The following ST18 variants were observed in gnomAD, a reference collection of about 807,000 sequenced individuals.
ST18 encodes the protein ST18 C2H2C-type zinc finger transcription factor.
In ST18, 50 loss-of-function variants were observed where a neutral mutation model predicts 110.0. The ratio of observed to expected loss-of-function variants is 0.45; its 90% CI spans 0.36 to 0.58. The LOEUF (loss-of-function observed/expected upper bound fraction) is 0.58. Ranked by LOEUF, ST18 falls within the 20% of genes least tolerant of loss-of-function variation. The pLI, the probability that ST18 is intolerant of heterozygous loss-of-function variation, is 0.00. For missense variants in ST18, 1,306 were observed against 1,280.1 expected (o/e 1.02, Z -0.31); for synonymous variants, 461 against 452.4 (o/e 1.02, Z -0.24).
intron 10 of ST18, among the ~76,000 whole-genome samples, chr8:52,169,860 A>G (rs1032210750): frequency 1.3e-5 from 2 of 152,156 alleles, no homozygotes; most frequent in African/African-American, 4.8e-5. Flanking sequence ...AGGCACTAGG[A>G]TATACCGCTG....
intron 21 of ST18, among the ~76,000 whole-genome samples, chr8:52,132,606 GA>G (rs2050142884): frequency 6.6e-6 from 1 of 152,186 alleles, no homozygotes; most frequent in South Asian, 2.1e-4. Context: ...ACTGGAATTT[GA>G]GTTTCTAAAT....
At chr8:52,270,964 C>T (rs558470002) in intron 2 of ST18, among the ~76,000 whole-genome samples, 13 of 151,316 alleles carry the variant, frequency 8.6e-5, no homozygotes, top group South Asian at 2.1e-4. Context: ...GAGGGCATCT[C>T]GGCTCACTGC....
chr8:52,225,690 T>G (rs2089104594), intron 3 of ST18, among the ~76,000 whole-genome samples: 1 of 152,322 alleles, frequency 6.6e-6, no homozygotes, highest in African/African-American at 2.4e-5. Context: ...CCAGGAATAA[T>G]TTCTACATTC....
chr8:52,150,195 T>C (rs776459283), intron 15 of ST18, among the ~76,000 whole-genome samples: 1 of 152,128 alleles, frequency 6.6e-6, no homozygotes, highest in Non-Finnish European at 1.5e-5. Flanking sequence ...TTAAACAAAG[T>C]AAGCTTAATG....
intron 2 of ST18, among the ~76,000 whole-genome samples, chr8:52,236,030 G>C (rs2092609971): frequency 6.6e-6 from 1 of 152,160 alleles, no homozygotes; most frequent in African/African-American, 2.4e-5. Context: ...ACATGAATAT[G>C]CTAAGCAACA....
At chr8:52,342,464 A>G (rs6473710) in intron 2 of ST18, among the ~76,000 whole-genome samples, 149,923 of 152,346 alleles carry the variant, frequency 0.98, 73,816 homozygotes, top group Middle Eastern at 1. Flanking sequence ...AACAAACATT[A>G]TGGTTTATGA....
intron 2 of ST18, among the ~76,000 whole-genome samples, chr8:52,268,464 CT>C (rs1257033310): frequency 5.4e-4 from 78 of 143,644 alleles, no homozygotes; most frequent in African/African-American, 1.9e-3. Flanking sequence ...GTCTATCTAT[CT>C]ATCATCTATC....
intron 7 of ST18, 123 bp from the exon 8 acceptor site, chr8:52,212,232 C>A: frequency 1.2e-6 from 1 of 869,056 alleles, no homozygotes. Context: ...GTGGGTTCAT[C>A]TTTTCTTGTT....
At chr8:52,352,818 C>T (rs1294324608) in intron 2 of ST18, among the ~76,000 whole-genome samples, 2 of 152,208 alleles carry the variant, frequency 1.3e-5, no homozygotes, top group Non-Finnish European at 1.5e-5. Context: ...GAAATGTTAC[C>T]TGCTGAGTTA....
At chr8:52,300,245 T>C (rs973803431) in intron 2 of ST18, among the ~76,000 whole-genome samples, 2 of 152,226 alleles carry the variant, frequency 1.3e-5, no homozygotes, top group Admixed American at 1.3e-4. Context: ...ATCTTACTTA[T>C]TAAGCCAGGT....
chr8:52,231,152 T>C (rs892795611), intron 2 of ST18, among the ~76,000 whole-genome samples: 1 of 152,252 alleles, frequency 6.6e-6, no homozygotes, highest in African/African-American at 2.4e-5. Flanking sequence ...TATGTATGTG[T>C]ATGTATGCAT....
intron 8 of ST18, among the ~76,000 whole-genome samples, chr8:52,207,379 C>G (rs2080479596): frequency 6.6e-6 from 1 of 152,148 alleles, no homozygotes; most frequent in South Asian, 2.1e-4. Context: ...GTAGTTCCAG[C>G]TATTCCAAAG....
chr8:52,185,076 A>AGAT (rs1266713884), intron 8 of ST18, among the ~76,000 whole-genome samples: 1 of 152,230 alleles, frequency 6.6e-6, no homozygotes, highest in Non-Finnish European at 1.5e-5. Context: ...AGGAATCTAC[A>AGAT]GATACAATTT....
chr8:52,202,196 C>T (rs1368218403), intron 8 of ST18, among the ~76,000 whole-genome samples: 2 of 152,140 alleles, frequency 1.3e-5, no homozygotes. Flanking sequence ...AAGTCACAGG[C>T]AGTTTAAAGA....
At chr8:52,210,214 G>A in intron 8 of ST18, 1 of 431,354 alleles carries the variant, frequency 2.3e-6, no homozygotes, top group South Asian at 1.6e-5. Flanking sequence ...ATTCTACAGG[G>A]GACATAAATA....
At chr8:52,147,622 G>A (rs1369608283) in intron 16 of ST18, among the ~76,000 whole-genome samples, 2 of 151,846 alleles carry the variant, frequency 1.3e-5, no homozygotes, top group African/African-American at 2.4e-5. Context: ...TCTGCATACG[G>A]CATCGAGATA....
At chr8:52,328,427 T>C (rs1471437639) in intron 2 of ST18, among the ~76,000 whole-genome samples, 1 of 152,214 alleles carries the variant, frequency 6.6e-6, no homozygotes, top group Non-Finnish European at 1.5e-5. Context: ...CTGTGAATAA[T>C]GATGGTGATA....
At position 52,398,779 on chromosome 8, in the gene ST18, G is replaced by A. The variant is rs143692292; in HGVS notation, c.-465+10549C>T. Among the ~76,000 whole-genome samples the A allele has an allele frequency of 6.2e-4, 95 of 152,172 alleles. No individual in the cohort carries two copies. In the East Asian group the frequency reaches 0.01, roughly 16 times the overall value. ...TGTGTATGTTAAACCAAACATGCAC[G>A]CCAGCAATAAACTTGGTCATGATGT... On this transcript the variant is annotated intron_variant, in intron 2 of 25. Transcript: ENST00000689386.
At chr8:52,215,638 A>G (rs2083899553) in intron 6 of ST18, among the ~76,000 whole-genome samples, 1 of 152,254 alleles carries the variant, frequency 6.6e-6, no homozygotes, top group Non-Finnish European at 1.5e-5. Context: ...GCTATAGTCT[A>G]AATAAAATGG....
Sources: allele counts gnomAD v4.1 joint callset (sites outside exome capture counted in the v4.1 genomes callset), GRCh38; gene constraint gnomAD v4.1.1; transcripts MANE v1.5; gene names NCBI Gene and HGNC (gene_info 2026-07-23, HGNC 2026-07-21).